Variants in MPHOSPH9 observed in about 807,000 individuals in gnomAD.
The protein encoded by MPHOSPH9 is M-phase phosphoprotein 9.
Under a neutral mutation model 145.5 loss-of-function variants are expected in MPHOSPH9, and 88 were observed. That is an observed-to-expected ratio of 0.60 (90% CI 0.51 to 0.72). The LOEUF (loss-of-function observed/expected upper bound fraction) is 0.72. Among genes scored for constraint, MPHOSPH9 ranks in the 30% least tolerant of loss-of-function variants. The probability of loss-of-function intolerance (pLI) is 0.00; values close to 1 mark genes in which losing one functional copy is unlikely to be tolerated. For missense variants in MPHOSPH9, 1,238 were observed against 1,386.6 expected, an observed-to-expected ratio of 0.89 and a Z score of 1.70; for synonymous variants, 435 against 486.2, an observed-to-expected ratio of 0.89 and a Z score of 1.39.
upstream of MPHOSPH9, among the ~76,000 whole-genome samples, chr12:123,236,863 C>T (rs572678862): frequency 3.4e-4 from 52 of 150,780 alleles, no homozygotes; most frequent in South Asian, 0.01. Context: ...GCGGGCGGAT[C>T]GCCTGAGGTC....
chr12:123,165,015 CAAAAAAAAAAAAA>C (rs35219995), intron 18 of MPHOSPH9, among the ~76,000 whole-genome samples: 4 of 83,248 alleles, frequency 4.8e-5, no homozygotes, highest in African/African-American at 1.5e-4. Context: ...CTCACTGTCT[CAAAAAAAAAAAAA>C]AAAAAAAAAG....
chr12:123,203,318 G>GT lies in MPHOSPH9; in HGVS notation c.1251dup (p.Gln418ThrfsTer9), dbSNP rs1329113694. The GT allele has an allele frequency of 3.1e-6, 5 of 1,612,134 alleles. No homozygotes were observed. The highest frequency in any genetic ancestry group is 2.2e-5 in the East Asian group (1 of 44,864). ...TCAGGTAACTGCTTGTTTTCCCTTT[G>GT]TTTTTTATAATAAATATCCTTCAGT... is the stretch of plus-strand genomic sequence containing the variant. On this transcript the variant is annotated frameshift_variant, in exon 9 of 24. Coordinates refer to ENST00000606320, the MANE Select transcript of MPHOSPH9 (RefSeq NM_022782.4). LOFTEE classifies it high-confidence loss of function.
rs73230098 is a variant in MPHOSPH9, at chr12:123,207,869, G to A, written c.1194+2187C>T. Reference sequence around the variant, plus strand: ...CTCCGCCTCAAAGAAAAAAAAAAAAGAAAAAAAAAAATACAGAGGTGAAAT... The same window carrying A: ...CTCCGCCTCAAAGAAAAAAAAAAAAAAAAAAAAAAAATACAGAGGTGAAAT... On this transcript the variant is annotated intron_variant, in intron 8 of 23. Transcript: ENST00000606320. 1.1e-3 allele frequency among the ~76,000 whole-genome samples: 155 copies of A among 143,168 alleles called. 2 individuals are homozygous for A. Among genetic ancestry groups the A allele is most frequent in the East Asian group, 7.5e-3 (36 of 4,820 alleles). The allele number at this position is 143,168 out of a possible 152,430, so 93.9% of individuals were successfully genotyped here.
intron 7 of MPHOSPH9, among the ~76,000 whole-genome samples, chr12:123,211,684 C>CTT (rs147321517): frequency 1.4e-3 from 98 of 67,742 alleles, no homozygotes; most frequent in Non-Finnish European, 2.2e-3. Context: ...TAGACAATTT[C>CTT]TTTTTTTTTT....
intron 1 of MPHOSPH9, among the ~76,000 whole-genome samples, chr12:123,239,185 C>G (rs1341159038): frequency 4.6e-5 from 7 of 152,134 alleles, no homozygotes; most frequent in Admixed American, 4.6e-4. Context: ...GAGAGGATGG[C>G]TAGAGCCTGG....
Position 123,203,364 on chromosome 12 carries a change from A to G in MPHOSPH9, c.1206T>C (p.Ser402=), listed in dbSNP as rs199692553. The stretch of plus-strand genomic sequence containing the variant: ...TCAGTGACGGTAGCTTCATCTCATT[A>G]CTAGTATTAGACTTAAAGATACGAA... ...TDVSPNQSNT[S]NEMKLPSLKD... Residue 402 remains serine (S), a synonymous_variant, in exon 9 of 24, where the codon AGT becomes AGC. Coordinates refer to ENST00000606320, the MANE Select transcript of MPHOSPH9 (RefSeq NM_022782.4). The G allele has an allele frequency of 6.2e-6, 10 of 1,603,644 alleles. No homozygotes were observed. In the Admixed American group the frequency reaches 1.5e-4, roughly 24 times the overall value.
upstream of MPHOSPH9, among the ~76,000 whole-genome samples, chr12:123,234,627 C>T (rs903450084): frequency 6.6e-6 from 1 of 152,164 alleles, no homozygotes; most frequent in Non-Finnish European, 1.5e-5. Flanking sequence ...GAATTCCTGA[C>T]CTCAGGTCAT....
chr12:123,199,252 C>A (rs1022348271), intron 11 of MPHOSPH9, among the ~76,000 whole-genome samples: 1 of 152,064 alleles, frequency 6.6e-6, no homozygotes, highest in Non-Finnish European at 1.5e-5. Flanking sequence ...ATATTATGAC[C>A]TTCTGTACTA....
intron 21 of MPHOSPH9, 52 bp from the exon 22 acceptor site, chr12:123,161,435 G>A: frequency 1.9e-6 from 3 of 1,587,946 alleles, no homozygotes; most frequent in Middle Eastern, 1.7e-4. Flanking sequence ...TTTCGTGTAG[G>A]TTGCATATAT....
rs2047055869 is a variant in MPHOSPH9, at chr12:123,218,305, T to TACCA, written c.996+70_996+71insTGGT. The TACCA allele has an allele frequency of 1.9e-6, 3 of 1,572,210 alleles. No individual in the cohort carries two copies. In the East Asian group the frequency reaches 6.8e-5, roughly 36 times the overall value. On this transcript the variant is annotated intron_variant, in intron 6 of 23. Transcript: ENST00000606320. Reference sequence around the variant, plus strand: ...CAAAAGAAAGGGCACAAGAGTTTTGTTCATGAGCGTGTACTAAACCCACAT... The same window carrying TACCA: ...CAAAAGAAAGGGCACAAGAGTTTTGTACCATCATGAGCGTGTACTAAACCCACAT...
chr12:123,172,899 T>TTTTA (rs59362535), intron 16 of MPHOSPH9, among the ~76,000 whole-genome samples: 1 of 144,156 alleles, frequency 6.9e-6, no homozygotes, highest in African/African-American at 2.6e-5. Flanking sequence ...TTTTTTTTTT[T>TTTTA]GAGACAGAGC....
chr12:123,181,256 A>G (rs1294801410), intron 13 of MPHOSPH9, 46 bp from the exon 14 acceptor site: 1 of 1,542,106 alleles, frequency 6.5e-7, no homozygotes, highest in East Asian at 2.2e-5. Context: ...ATTAAACGTT[A>G]TTCTATCAAC....
chr12:123,203,749 T>G (rs1257964310), intron 8 of MPHOSPH9, among the ~76,000 whole-genome samples: 1 of 152,088 alleles, frequency 6.6e-6, no homozygotes, highest in Non-Finnish European at 1.5e-5. Flanking sequence ...AGTGGTGTGA[T>G]CATGGTTCAC....
At chr12:123,195,739 G>A (rs2045918237) in intron 12 of MPHOSPH9, among the ~76,000 whole-genome samples, 1 of 152,046 alleles carries the variant, frequency 6.6e-6, no homozygotes, top group South Asian at 2.1e-4. Context: ...ATGTCATGAA[G>A]CTTAGGAGGA....
intron 16 of MPHOSPH9, 44 bp downstream of exon 16, chr12:123,176,644 T>G (rs1286048903): frequency 7.1e-7 from 1 of 1,405,510 alleles, no homozygotes; most frequent in African/African-American, 1.4e-5. Context: ...AATAAAAGCA[T>G]GCACCTATTT....
intron 13 of MPHOSPH9, among the ~76,000 whole-genome samples, chr12:123,184,973 T>G (rs1386980716): frequency 6.6e-6 from 1 of 152,044 alleles, no homozygotes; most frequent in Non-Finnish European, 1.5e-5. Context: ...CCAGCTAATT[T>G]TTGTAGTTTT....
rs1402393493 is a variant in MPHOSPH9 at position 123,155,381 on chromosome 12, AC to A, written c.*1425del. 3.3e-5 allele frequency: 5 copies of A among 152,074 alleles called. No homozygotes were observed. Among genetic ancestry groups the A allele is most frequent in the African/African-American group, 1.2e-4 (5 of 41,402 alleles). The allele number at this position is 152,074 out of a possible 1,614,324, so 9.4% of individuals were successfully genotyped here. On this transcript the variant is annotated 3_prime_UTR_variant, in exon 24 of 24. Transcript: ENST00000606320. ...TGCTGAGAAGGGAGCAGGGCTGTGG[AC>A]CCCTGGCCTGGGGACCAGCCAGGTG...
intron 13 of MPHOSPH9, among the ~76,000 whole-genome samples, chr12:123,185,548 A>G (rs2045404921): frequency 6.6e-6 from 1 of 152,128 alleles, no homozygotes. Flanking sequence ...GTTGGAGACC[A>G]GCAAGAGCAA....
chr12:123,242,459 A>G (rs772496856), intron 1 of MPHOSPH9, among the ~76,000 whole-genome samples: 16 of 152,202 alleles, frequency 1.1e-4, no homozygotes, highest in Non-Finnish European at 2.4e-4. Context: ...CTGTATCACA[A>G]ACACTGAAAT....
Sources: gnomAD v4.1 joint callset for allele counts (sites outside exome capture counted in the v4.1 genomes callset) on GRCh38, gnomAD v4.1.1 for gene constraint, MANE v1.5 for transcripts, NCBI Gene and HGNC (gene_info 2026-07-23, HGNC 2026-07-21) for gene names.